The following SUSD1 variants were observed in gnomAD, a reference collection of about 807,000 sequenced individuals.
SUSD1 encodes the protein sushi domain containing 1, also known as sushi domain-containing protein 1.
In SUSD1, 65 loss-of-function variants were observed where a neutral mutation model predicts 86.9. The observed-to-expected ratio is 0.75, with a 90% CI of 0.61 to 0.92. The LOEUF is 0.92. Among genes scored for constraint, SUSD1 ranks in the 40% least tolerant of loss-of-function variants. The probability of loss-of-function intolerance (pLI) is 0.00; values close to 1 mark genes in which losing one functional copy is unlikely to be tolerated. For missense variants in SUSD1, 850 were observed against 929.7 expected (o/e 0.91, Z 1.11); for synonymous variants, 346 against 350.0 (o/e 0.99, Z 0.13).
intron 10 of SUSD1, among the ~76,000 whole-genome samples, chr9:112,094,044 T>C (rs1371003956): frequency 6.6e-6 from 1 of 152,148 alleles, no homozygotes; most frequent in East Asian, 1.9e-4. Flanking sequence ...ACTCAAAATG[T>C]GGACTGACAA....
At chr9:112,162,421 C>T (rs908379486) in intron 1 of SUSD1, among the ~76,000 whole-genome samples, 3 of 152,110 alleles carry the variant, frequency 2.0e-5, no homozygotes, top group African/African-American at 7.2e-5. Context: ...ACTAAAGTAA[C>T]CCAAGCTAAG....
intron 15 of SUSD1, among the ~76,000 whole-genome samples, chr9:112,045,504 T>C (rs538582877): frequency 4.5e-5 from 4 of 88,370 alleles, no homozygotes; most frequent in Non-Finnish European, 8.0e-5. Flanking sequence ...AAGGACATTA[T>C]TGTTATTATG....
At chr9:112,060,890 C>T (rs777775242) in intron 13 of SUSD1, among the ~76,000 whole-genome samples, 5 of 152,156 alleles carry the variant, frequency 3.3e-5, no homozygotes, top group Admixed American at 6.5e-5. Context: ...AGAGCAAGGT[C>T]GAGGCTCACC....
At chr9:112,057,854 G>T (rs1828518844) in intron 14 of SUSD1, among the ~76,000 whole-genome samples, 1 of 152,144 alleles carries the variant, frequency 6.6e-6, no homozygotes, top group African/African-American at 2.4e-5. Flanking sequence ...CATCACAATG[G>T]TTCTTCCAGA....
In SUSD1 at chr9:112,134,395, A is replaced by C. The variant is rs142047738; in HGVS notation, c.706+7925T>G. Among the ~76,000 whole-genome samples, 1,221 of 152,342 alleles carry C rather than the reference A, an allele frequency of 8.0e-3. 5 individuals carry two copies. The highest frequency in any genetic ancestry group is 0.013 in the Non-Finnish European group (872 of 68,028). On this transcript the variant is annotated intron_variant, in intron 5 of 16. Transcript: ENST00000374270. The stretch of plus-strand genomic sequence containing the variant: ...ATACTACACAACCATAAAAAATAAA[A>C]TCATGTCCTTTGCAGCAACATGGAT...
intron 5 of SUSD1, among the ~76,000 whole-genome samples, chr9:112,125,907 C>T (rs748892838): frequency 5.9e-5 from 9 of 152,272 alleles, no homozygotes; most frequent in African/African-American, 9.6e-5. Flanking sequence ...GGGAGGTTTC[C>T]CAGAGCAGGA....
intron 5 of SUSD1, among the ~76,000 whole-genome samples, chr9:112,141,454 A>G (rs573664391): frequency 3.9e-5 from 6 of 152,220 alleles, no homozygotes; most frequent in African/African-American, 1.4e-4. Flanking sequence ...ACACGGGCAG[A>G]TAACTTAAGG....
In SUSD1 at chr9:112,088,918, G is replaced by A. The variant is rs527398993; in HGVS notation, c.1475-8753C>T. ...GGTCAGGAGTTTGAGACCAGCATGG[G>A]CAACAAAGAGAGACCTTGTCTCTAC... On this transcript the variant is annotated intron_variant, in intron 10 of 16. Transcript: ENST00000374270. Among the ~76,000 whole-genome samples the A allele has an allele frequency of 1.4e-4, 22 of 152,226 alleles. No homozygotes were observed. The South Asian group carries it at 4.6e-3, about 32-fold the overall frequency.
intron 2 of SUSD1, among the ~76,000 whole-genome samples, chr9:112,155,805 TGAA>T (rs111495197): frequency 0.038 from 5,393 of 142,494 alleles, 353 homozygotes; most frequent in African/African-American, 0.13. Context: ...CTACTAAAAA[TGAA>T]GAAGGGGAAG....
At chr9:112,170,022 T>G (rs1833974471) in intron 1 of SUSD1, among the ~76,000 whole-genome samples, 1 of 152,118 alleles carries the variant, frequency 6.6e-6, no homozygotes, top group African/African-American at 2.4e-5. Context: ...CCCTCTCTCT[T>G]CTGCAGAGCT....
intron 4 of SUSD1, among the ~76,000 whole-genome samples, chr9:112,142,778 C>G (rs1832634965): frequency 6.6e-6 from 1 of 151,876 alleles, no homozygotes; most frequent in Admixed American, 6.6e-5. Flanking sequence ...GAAGCCTTGT[C>G]CAGTGAAATA....
intron 15 of SUSD1, among the ~76,000 whole-genome samples, chr9:112,051,408 CTT>C (rs746946192): frequency 0.038 from 2,933 of 76,718 alleles, 102 homozygotes; most frequent in African/African-American, 0.1. Context: ...TTTTTCTTTT[CTT>C]TTTTTTTTTT....
intron 15 of SUSD1, among the ~76,000 whole-genome samples, chr9:112,043,852 G>A (rs1006275990): frequency 2.6e-5 from 4 of 152,104 alleles, no homozygotes; most frequent in African/African-American, 9.7e-5. Flanking sequence ...CCAGGCTGGA[G>A]TGCAGTGGCA....
At chr9:112,108,783 A>G (rs545763409) in intron 8 of SUSD1, among the ~76,000 whole-genome samples, 34 of 148,072 alleles carry the variant, frequency 2.3e-4, no homozygotes, top group African/African-American at 6.2e-4. Flanking sequence ...TCAAAAAAAA[A>G]AAAAAAAAGA....
intron 14 of SUSD1, among the ~76,000 whole-genome samples, chr9:112,056,368 A>G (rs888397667): frequency 6.6e-6 from 1 of 152,218 alleles, no homozygotes; most frequent in Non-Finnish European, 1.5e-5. Flanking sequence ...TGCAAGATAA[A>G]AAGAGTTTTG....
At chr9:112,076,809 C>A (rs1829534871) in intron 12 of SUSD1, among the ~76,000 whole-genome samples, 1 of 152,102 alleles carries the variant, frequency 6.6e-6, no homozygotes, top group African/African-American at 2.4e-5. Context: ...GCAGAAGGAA[C>A]CAAAACTAAG....
At chr9:112,073,424 T>G (rs1248812400) in intron 12 of SUSD1, among the ~76,000 whole-genome samples, 1 of 152,112 alleles carries the variant, frequency 6.6e-6, no homozygotes, top group Non-Finnish European at 1.5e-5. Context: ...GTGGTCTGGT[T>G]TATCTCCACA....
At chr9:112,131,154 A>C (rs1269053783) in intron 5 of SUSD1, among the ~76,000 whole-genome samples, 2 of 152,204 alleles carry the variant, frequency 1.3e-5, no homozygotes, top group African/African-American at 4.8e-5. Context: ...TTCGTAAAAG[A>C]GCTGATATTC....
chr9:112,100,831 C>CA (rs1334476392), intron 9 of SUSD1, among the ~76,000 whole-genome samples: 5 of 129,258 alleles, frequency 3.9e-5, no homozygotes, highest in East Asian at 4.9e-4. Flanking sequence ...GACTCCATCT[C>CA]AAAAAAAACA....
Sources: allele counts gnomAD v4.1 joint callset (sites outside exome capture counted in the v4.1 genomes callset), GRCh38; gene constraint gnomAD v4.1.1; transcripts MANE v1.5; gene names NCBI Gene and HGNC (gene_info 2026-07-23, HGNC 2026-07-21).